The following ZBTB46 variants were observed in gnomAD, a reference collection of about 807,000 sequenced individuals.
ZBTB46 encodes zinc finger and BTB domain-containing protein 46.
In ZBTB46, 8 loss-of-function variants were observed where a neutral mutation model predicts 44.1. That is an observed-to-expected ratio of 0.18 (90% CI 0.11 to 0.33). The LOEUF (loss-of-function observed/expected upper bound fraction) is 0.33. Ranked by LOEUF, ZBTB46 falls within the 10% of genes least tolerant of loss-of-function variation. ZBTB46 has a pLI of 1.00. For missense variants in ZBTB46, 651 were observed against 847.7 expected (o/e 0.77, Z 2.88); for synonymous variants, 409 against 382.3 (o/e 1.07, Z -0.81).
intron 1 of ZBTB46, among the ~76,000 whole-genome samples, chr20:63,797,726 T>C (rs1406586078): frequency 6.6e-6 from 1 of 152,218 alleles, no homozygotes; most frequent in Non-Finnish European, 1.5e-5. Context: ...CTCATTGTGG[T>C]TTTGATTTGC....
chr20:63,778,881 G>A (rs1025194572), intron 2 of ZBTB46, among the ~76,000 whole-genome samples: 8 of 152,184 alleles, frequency 5.3e-5, no homozygotes, highest in Non-Finnish European at 1.0e-4. Context: ...CAGGCAGGGC[G>A]GCTTAACAAC....
intron 1 of ZBTB46, chr20:63,791,007 C>T (rs979879472): frequency 1.9e-5 from 10 of 540,254 alleles, no homozygotes; most frequent in Admixed American, 7.1e-5. Context: ...CAGGGTGGGA[C>T]GTCTGCCACG....
In ZBTB46 at chr20:63,746,793, G is replaced by C. The variant is rs1196095338; in HGVS notation, c.*137C>G. ...CTTAGCCCGCAGGGCTGGTTTCCGTGGGGGGTGGGTTCAGGGGGAAGCAGA... is the reference window on the plus strand; with the variant it reads ...CTTAGCCCGCAGGGCTGGTTTCCGTCGGGGGTGGGTTCAGGGGGAAGCAGA... On this transcript the variant is annotated 3_prime_UTR_variant, in exon 5 of 5. Coordinates refer to ENST00000245663, the MANE Select transcript of ZBTB46 (RefSeq NM_001369741.1). The C allele has an allele frequency of 3.8e-6, 5 of 1,317,194 alleles. No individual in the cohort carries two copies. The highest frequency in any genetic ancestry group is 4.0e-6 in the Non-Finnish European group (4 of 1,008,124). 81.6% of individuals were successfully genotyped at this position (1,317,194 alleles called of 1,614,324 possible). A position where few individuals can be genotyped will look rare whatever the true frequency, so the allele number is the denominator to read the frequency against.
chr20:63,783,228 G>A (rs1323301534), intron 2 of ZBTB46, among the ~76,000 whole-genome samples: 3 of 151,876 alleles, frequency 2.0e-5, no homozygotes, highest in African/African-American at 4.8e-5. Flanking sequence ...AAGAGATTGA[G>A]ACCAGCCTGG....
At chr20:63,797,386 T>A (rs1007512213) in intron 1 of ZBTB46, among the ~76,000 whole-genome samples, 1 of 151,944 alleles carries the variant, frequency 6.6e-6, no homozygotes, top group African/African-American at 2.4e-5. Context: ...CCACATTTTC[T>A]TAATCTGGTC....
chr20:63,794,888 G>A (rs911036122), intron 1 of ZBTB46, among the ~76,000 whole-genome samples: 1 of 152,202 alleles, frequency 6.6e-6, no homozygotes, highest in Non-Finnish European at 1.5e-5. Flanking sequence ...GCACACCTGT[G>A]GCTGCGGCAA....
intron 1 of ZBTB46, among the ~76,000 whole-genome samples, chr20:63,808,976 C>CAAAAAAAAAA (rs1157399042): frequency 1.3e-5 from 1 of 75,228 alleles, no homozygotes; most frequent in Non-Finnish European, 2.7e-5. Context: ...GACTCCGCTT[C>CAAAAAAAAAA]AAAAAAAAAA....
Position 63,752,866 on chromosome 20 carries a change from AAG to A in ZBTB46, c.1223-7_1223-6del. On this transcript the variant is annotated splice_region_variant and splice_polypyrimidine_tract_variant and intron_variant, in intron 3 of 4. Coordinates refer to ENST00000245663, the MANE Select transcript of ZBTB46 (RefSeq NM_001369741.1). This position sits in a 1 kb window ranked among gnomAD's most constrained non-coding sequence, Gnocchi z 5.6. ...TGATCACCGTGAACTCATTCACTGA[AAG>A]AGAGGGACCCGCGAGGCGTCAGCAG... 1.9e-6 allele frequency: 3 copies of A among 1,593,736 alleles called. No individual in the cohort carries two copies. Among genetic ancestry groups the A allele is most frequent in the Non-Finnish European group, 1.7e-6 (2 of 1,165,040 alleles).
intron 1 of ZBTB46, among the ~76,000 whole-genome samples, chr20:63,798,409 T>C (rs1219552205): frequency 6.6e-6 from 1 of 151,948 alleles, no homozygotes; most frequent in African/African-American, 2.4e-5. Flanking sequence ...GCGTGGTGGC[T>C]CACACCTGTA....
chr20:63,801,163 G>A (rs565158359), intron 1 of ZBTB46, among the ~76,000 whole-genome samples: 38 of 152,242 alleles, frequency 2.5e-4, no homozygotes, highest in African/African-American at 8.4e-4. Context: ...TAGCTGATCC[G>A]GTGGGGACTT....
At position 63,752,565 on chromosome 20, in the gene ZBTB46, C is replaced by A; in HGVS notation, c.1398+121G>T. The A allele has an allele frequency of 8.2e-7, 1 of 1,214,094 alleles. No individual in the cohort carries two copies. The highest frequency in any genetic ancestry group is 2.0e-5 in the South Asian group (1 of 49,030). 75.2% of individuals were successfully genotyped at this position (1,214,094 alleles called of 1,614,324 possible). On this transcript the variant is annotated intron_variant, in intron 4 of 4. Coordinates refer to ENST00000245663, the MANE Select transcript of ZBTB46 (RefSeq NM_001369741.1). This position sits in a 1 kb window ranked among gnomAD's most constrained non-coding sequence, Gnocchi z 5.6. ...CGGATCTCCCTGCCCTGCTGTCGTC[C>A]CCCCTGTGCAGAGTGGACCCGGTGT...
intron 3 of ZBTB46, among the ~76,000 whole-genome samples, chr20:63,763,912 T>C (rs913597735): frequency 6.6e-6 from 1 of 152,182 alleles, no homozygotes; most frequent in African/African-American, 2.4e-5. Context: ...CTTTAAACAA[T>C]CAAGATTATT....
At chr20:63,794,298 C>T (rs2092584379) in intron 1 of ZBTB46, among the ~76,000 whole-genome samples, 3 of 152,102 alleles carry the variant, frequency 2.0e-5, no homozygotes. Context: ...CTCAAGCAAT[C>T]CTCTTGCCTC....
At chr20:63,748,303 G>T (rs1049710293) in intron 4 of ZBTB46, among the ~76,000 whole-genome samples, 3 of 152,340 alleles carry the variant, frequency 2.0e-5, no homozygotes, top group African/African-American at 7.2e-5. Context: ...AGGACGCGAG[G>T]TGCTGGGTTC....
At chr20:63,758,469 C>T (rs1056753889) in intron 3 of ZBTB46, among the ~76,000 whole-genome samples, 4 of 151,944 alleles carry the variant, frequency 2.6e-5, no homozygotes, top group African/African-American at 9.7e-5. Flanking sequence ...TCTGCCTGGG[C>T]TGGTGGGCCT....
intron 2 of ZBTB46, among the ~76,000 whole-genome samples, chr20:63,776,803 CAAAAA>C (rs35399406): frequency 7.6e-6 from 1 of 131,868 alleles, no homozygotes; most frequent in Non-Finnish European, 1.6e-5. Context: ...CGCTCTGTCT[CAAAAA>C]AAAAAAAAAA....
intron 1 of ZBTB46, among the ~76,000 whole-genome samples, chr20:63,830,636 C>CG (rs1438056224): frequency 1.3e-5 from 2 of 149,260 alleles, no homozygotes; most frequent in African/African-American, 4.9e-5. Context: ...GGGGCGCGGG[C>CG]GGGGGGCGCC....
intron 3 of ZBTB46, chr20:63,775,364 T>C: frequency 3.5e-6 from 1 of 285,898 alleles, no homozygotes; most frequent in Non-Finnish European, 6.5e-6. Context: ...CCCCGGCCCC[T>C]GCGCGACCCG....
upstream of ZBTB46, among the ~76,000 whole-genome samples, chr20:63,833,407 CG>C (rs2092861103): frequency 6.6e-6 from 1 of 152,048 alleles, no homozygotes; most frequent in Admixed American, 6.6e-5. Context: ...CTGGCTAACA[CG>C]GTGAAACCCC....
Sources: gnomAD v4.1 joint callset for allele counts (sites outside exome capture counted in the v4.1 genomes callset) on GRCh38, gnomAD v4.1.1 for gene constraint, Gnocchi (gnomAD v3.1) non-coding constraint, MANE v1.5 for transcripts, NCBI Gene and HGNC (gene_info 2026-07-23, HGNC 2026-07-21) for gene names.